CNTNAP2: variants seen among roughly 807,000 people sequenced by gnomAD.
CNTNAP2 encodes contactin-associated protein-like 2.
CNTNAP2 carries 98 observed loss-of-function variants against 155.2 expected under a neutral mutation model. The observed-to-expected ratio is 0.63, with a 90% CI of 0.54 to 0.75. The LOEUF (loss-of-function observed/expected upper bound fraction) is 0.75, where lower values mean the gene tolerates loss of function less well. Ranked by LOEUF, CNTNAP2 falls within the 30% of genes least tolerant of loss-of-function variation. The pLI, the probability that CNTNAP2 is intolerant of heterozygous loss-of-function variation, is 0.00. For missense variants in CNTNAP2, 1,727 were observed against 1,688.1 expected, an observed-to-expected ratio of 1.02 and a Z score of -0.40; for synonymous variants, 651 against 631.2, an observed-to-expected ratio of 1.03 and a Z score of -0.47.
chr7:147,840,886 A>G (rs1165828921), intron 13 of CNTNAP2, among the ~76,000 whole-genome samples: 1 of 152,164 alleles, frequency 6.6e-6, no homozygotes, highest in South Asian at 2.1e-4. Flanking sequence ...ATTAGCCCTC[A>G]TGACTTTATG....
chr7:146,646,460 C>G (rs1294210702), intron 1 of CNTNAP2, among the ~76,000 whole-genome samples: 1 of 151,928 alleles, frequency 6.6e-6, no homozygotes, highest in Admixed American at 6.6e-5. Flanking sequence ...TATATAGTAA[C>G]AGTAATGTAT....
Position 147,105,545 on chromosome 7 carries a change from A to G in CNTNAP2, c.551-2602A>G, listed in dbSNP as rs1419975196. On this transcript the variant is annotated intron_variant, in intron 4 of 23. Coordinates refer to ENST00000361727, the MANE Select transcript of CNTNAP2 (RefSeq NM_014141.6). ...TCTATTTTTGTAGGAAACAGAGCCA[A>G]ACTGTGATGGATGTTCTTTACATTG... is the stretch of plus-strand genomic sequence containing the variant. Among the ~76,000 whole-genome samples, 5 of 152,052 alleles carry G rather than the reference A, an allele frequency of 3.3e-5. No homozygotes were observed. The East Asian group carries it at 9.6e-4, about 29-fold the overall frequency.
chr7:148,337,805 G>A (rs2116574567), intron 21 of CNTNAP2, among the ~76,000 whole-genome samples: 1 of 152,296 alleles, frequency 6.6e-6, no homozygotes, highest in African/African-American at 2.4e-5. Flanking sequence ...TATGTCTGTG[G>A]TGTCTCCACA....
chr7:146,665,153 G>A (rs1043825182), intron 1 of CNTNAP2, among the ~76,000 whole-genome samples: 1 of 151,780 alleles, frequency 6.6e-6, no homozygotes, highest in Non-Finnish European at 1.5e-5. Flanking sequence ...TTCACCATGT[G>A]GGCCAGGCTG....
At chr7:147,365,473 T>A (rs1013897600) in intron 9 of CNTNAP2, among the ~76,000 whole-genome samples, 1 of 151,776 alleles carries the variant, frequency 6.6e-6, no homozygotes, top group African/African-American at 2.4e-5. Context: ...TGTCACACAT[T>A]ATCTTTGTCA....
At chr7:147,431,330 T>C (rs1797462797) in intron 10 of CNTNAP2, among the ~76,000 whole-genome samples, 1 of 152,200 alleles carries the variant, frequency 6.6e-6, no homozygotes, top group African/African-American at 2.4e-5. Flanking sequence ...GGTGTCTCTC[T>C]ATCTCTTTTG....
At chr7:147,633,097 G>T (rs1795116126) in intron 12 of CNTNAP2, among the ~76,000 whole-genome samples, 1 of 152,230 alleles carries the variant, frequency 6.6e-6, no homozygotes, top group Admixed American at 6.5e-5. Flanking sequence ...GCCTAGGAGG[G>T]AAAAATCTTT....
intron 1 of CNTNAP2, among the ~76,000 whole-genome samples, chr7:146,376,057 A>G (rs974265360): frequency 6.6e-6 from 1 of 152,172 alleles, no homozygotes; most frequent in Non-Finnish European, 1.5e-5. Context: ...ATTGTAGGGT[A>G]TCTTGCTACC....
At chr7:146,160,445 G>A (rs1010524286) in intron 1 of CNTNAP2, among the ~76,000 whole-genome samples, 1 of 152,072 alleles carries the variant, frequency 6.6e-6, no homozygotes, top group Non-Finnish European at 1.5e-5. Flanking sequence ...TAGACTGCTA[G>A]CAAGACTGCT....
At chr7:147,448,566 G>A (rs1432684846) in intron 10 of CNTNAP2, among the ~76,000 whole-genome samples, 10 of 150,794 alleles carry the variant, frequency 6.6e-5, no homozygotes, top group East Asian at 5.9e-4. Context: ...TATATGGCAA[G>A]CAATTGACAA....
chr7:146,491,347 T>A (rs566209057), intron 1 of CNTNAP2, among the ~76,000 whole-genome samples: 1 of 151,706 alleles, frequency 6.6e-6, no homozygotes, highest in African/African-American at 2.4e-5. Context: ...TCATGGGAAG[T>A]GTATCATCAT....
chr7:146,553,416 G>A lies in CNTNAP2; in HGVS notation c.98-220855G>A, dbSNP rs1193693220. ...TTCTATCGGTACCTTTATTTGTTCT[G>A]AATGTTTCTCACTTGATGTTTAGTG... On this transcript the variant is annotated intron_variant, in intron 1 of 23. Transcript: ENST00000361727. Among the ~76,000 whole-genome samples, 4 of 151,900 alleles carry A rather than the reference G, an allele frequency of 2.6e-5. No homozygotes were observed. In the East Asian group the frequency reaches 7.8e-4, roughly 30 times the overall value.
chr7:146,144,116 C>G (rs531132404), intron 1 of CNTNAP2, among the ~76,000 whole-genome samples: 1 of 152,198 alleles, frequency 6.6e-6, no homozygotes, highest in South Asian at 2.1e-4. Flanking sequence ...TCCCCACACA[C>G]AAGCTTTTTG....
At chr7:146,618,307 A>G (rs1405297224) in intron 1 of CNTNAP2, among the ~76,000 whole-genome samples, 1 of 152,212 alleles carries the variant, frequency 6.6e-6, no homozygotes, top group African/African-American at 2.4e-5. Flanking sequence ...TGATTTACAT[A>G]AGCATGTTAT....
At chr7:148,160,262 A>G (rs1349849643) in intron 17 of CNTNAP2, among the ~76,000 whole-genome samples, 1 of 151,452 alleles carries the variant, frequency 6.6e-6, no homozygotes, top group African/African-American at 2.4e-5. Context: ...AAATGACTAC[A>G]CTAGCCAGGC....
chr7:146,526,123 A>G (rs1197920882), intron 1 of CNTNAP2, among the ~76,000 whole-genome samples: 1 of 152,194 alleles, frequency 6.6e-6, no homozygotes, highest in African/African-American at 2.4e-5. Context: ...ATTGGAGTTA[A>G]TAAAGGGACC....
At chr7:146,844,440 C>T (rs539838601) in intron 3 of CNTNAP2, among the ~76,000 whole-genome samples, 3 of 152,170 alleles carry the variant, frequency 2.0e-5, no homozygotes, top group Admixed American at 6.5e-5. Context: ...ATTACATCTA[C>T]ATACTCCACC....
chr7:147,189,884 A>G (rs1802645075), intron 8 of CNTNAP2, among the ~76,000 whole-genome samples: 1 of 152,026 alleles, frequency 6.6e-6, no homozygotes, highest in Non-Finnish European at 1.5e-5. Context: ...AGCTGGGACT[A>G]CAGGTGCCCG....
chr7:146,997,086 C>T (rs527437309), intron 3 of CNTNAP2, among the ~76,000 whole-genome samples: 83 of 152,162 alleles, frequency 5.5e-4, no homozygotes, highest in Middle Eastern at 3.4e-3. Flanking sequence ...TATAAATTAT[C>T]CAGTCTCAGG....
Sources: allele counts gnomAD v4.1 joint callset (sites outside exome capture counted in the v4.1 genomes callset), GRCh38; gene constraint gnomAD v4.1.1; transcripts MANE v1.5; gene names NCBI Gene and HGNC (gene_info 2026-07-23, HGNC 2026-07-21).